The following SAMD3 variants were observed in gnomAD, a reference collection of about 807,000 sequenced individuals.
The protein encoded by SAMD3 is sterile alpha motif domain containing 3, also known as sterile alpha motif domain-containing protein 3.
Under a neutral mutation model 58.5 loss-of-function variants are expected in SAMD3, and 63 were observed. The ratio of observed to expected loss-of-function variants is 1.08; its 90% CI spans 0.88 to 1.33. SAMD3 has a LOEUF of 1.33. SAMD3 is among the 40% of genes most tolerant of loss of function. The pLI is 0.00. For missense variants in SAMD3, 604 were observed against 608.4 expected (o/e 0.99, Z 0.08); for synonymous variants, 220 against 210.3 (o/e 1.05, Z -0.40).
intron 2 of SAMD3, among the ~76,000 whole-genome samples, chr6:130,238,853 G>A (rs1216387841): frequency 6.6e-6 from 1 of 152,106 alleles, no homozygotes; most frequent in Non-Finnish European, 1.5e-5. Flanking sequence ...GTGCCTCCTG[G>A]GTTCAGGTGA....
At chr6:130,277,442 G>A (rs1774815898) in intron 2 of SAMD3, among the ~76,000 whole-genome samples, 1 of 152,192 alleles carries the variant, frequency 6.6e-6, no homozygotes, top group Non-Finnish European at 1.5e-5. Context: ...CTTTGCAAAG[G>A]CAATTTCAAA....
Position 130,146,055 on chromosome 6 carries a change from A to C in SAMD3, c.1150T>G (p.Leu384Val). 1 of 1,585,598 alleles carries C rather than the reference A, an allele frequency of 6.3e-7. No individual in the cohort carries two copies. Among genetic ancestry groups the C allele is most frequent in the Non-Finnish European group, 8.6e-7 (1 of 1,168,352 alleles). ...GTGTAATGTTTCATTTTTTCTTGCA[A>C]TACAATATTGATTGGATTGTCCACC... ...SVVDNPINIV[L>V]QEKMKHYTDE... The change falls in exon 10 of 12, where the codon TTG (leucine) becomes GTG (valine). Residue 384 changes from leucine (L) to valine (V), a missense_variant. By Grantham distance (32) the Leu-to-Val change is conservative. Coordinates refer to ENST00000439090, the MANE Select transcript of SAMD3 (RefSeq NM_001017373.4).
chr6:130,319,095 A>T (rs1000800251), intron 1 of SAMD3, among the ~76,000 whole-genome samples: 4 of 152,176 alleles, frequency 2.6e-5, no homozygotes, highest in African/African-American at 9.7e-5. Flanking sequence ...CCCAAATGAA[A>T]CTATCCAAGA....
At chr6:130,189,764 A>G (rs953329303) in intron 5 of SAMD3, among the ~76,000 whole-genome samples, 1 of 152,256 alleles carries the variant, frequency 6.6e-6, no homozygotes, top group African/African-American at 2.4e-5. Context: ...TGTCTCAGAA[A>G]CATTAACCAT....
At chr6:130,223,465 A>G (rs1562465946), upstream of SAMD3, among the ~76,000 whole-genome samples, 1 of 151,564 alleles carries the variant, frequency 6.6e-6, no homozygotes, top group Non-Finnish European at 1.5e-5. Context: ...TATTACAACT[A>G]TTTTTTTGGA....
At chr6:130,231,336 G>T (rs1796540671) in intron 2 of SAMD3, among the ~76,000 whole-genome samples, 1 of 152,106 alleles carries the variant, frequency 6.6e-6, no homozygotes, top group Non-Finnish European at 1.5e-5. Flanking sequence ...AGCTGAGGCG[G>T]GCAGATCACT....
intron 2 of SAMD3, chr6:130,216,063 T>C (rs1040022728): frequency 4.0e-5 from 15 of 377,580 alleles, no homozygotes; most frequent in African/African-American, 2.3e-4. Flanking sequence ...AAGTAATTAT[T>C]TATGTTAATA....
intron 1 of SAMD3, among the ~76,000 whole-genome samples, chr6:130,333,766 GAGAA>G (rs1777015422): frequency 6.6e-6 from 1 of 152,184 alleles, no homozygotes; most frequent in South Asian, 2.1e-4. Context: ...CTGACAGATG[GAGAA>G]AGAGAGTTTC....
At chr6:130,247,479 A>AC (rs996007087) in intron 2 of SAMD3, among the ~76,000 whole-genome samples, 3 of 151,994 alleles carry the variant, frequency 2.0e-5, no homozygotes, top group African/African-American at 7.3e-5. Flanking sequence ...AAAAAAAAAA[A>AC]AAGGAAAATG....
At chr6:130,263,699 C>T (rs1310041873) in intron 2 of SAMD3, among the ~76,000 whole-genome samples, 1 of 152,172 alleles carries the variant, frequency 6.6e-6, no homozygotes, top group Non-Finnish European at 1.5e-5. Context: ...GCATCTAATG[C>T]TTGCCTTGTG....
At chr6:130,158,826 G>T (rs906469349) in intron 8 of SAMD3, among the ~76,000 whole-genome samples, 1 of 152,126 alleles carries the variant, frequency 6.6e-6, no homozygotes, top group Non-Finnish European at 1.5e-5. Flanking sequence ...CTGGTGACTC[G>T]GTTTACACCC....
At chr6:130,188,778 T>G (rs938571565) in intron 5 of SAMD3, among the ~76,000 whole-genome samples, 7 of 152,184 alleles carry the variant, frequency 4.6e-5, no homozygotes, top group Non-Finnish European at 5.9e-5. Flanking sequence ...TTCCTTAACT[T>G]CCTTGACACT....
intron 2 of SAMD3, among the ~76,000 whole-genome samples, chr6:130,238,948 G>A (rs562528569): frequency 6.6e-6 from 1 of 152,050 alleles, no homozygotes; most frequent in African/African-American, 2.4e-5. Flanking sequence ...TAGTAGAGAC[G>A]GGGTTTCACT....
chr6:130,213,197 C>T (rs894287537), intron 4 of SAMD3, among the ~76,000 whole-genome samples: 5 of 151,854 alleles, frequency 3.3e-5, no homozygotes, highest in African/African-American at 7.3e-5. Context: ...GCTTGGGAGG[C>T]GGAAGCAGGA....
chr6:130,333,038 AGTATGCGT>A (rs1386023380), intron 1 of SAMD3, among the ~76,000 whole-genome samples: 3 of 123,118 alleles, frequency 2.4e-5, no homozygotes, highest in African/African-American at 9.8e-5. Flanking sequence ...GCCACAGTTG[AGTATGCGT>A]GTGTGTGTGT....
intron 9 of SAMD3, among the ~76,000 whole-genome samples, chr6:130,152,706 A>G (rs1789334236): frequency 6.6e-6 from 1 of 151,818 alleles, no homozygotes; most frequent in African/African-American, 2.4e-5. Context: ...AAATAAAACA[A>G]TCAACAGGCA....
chr6:130,260,542 G>T lies in SAMD3; in HGVS notation c.-187-37729C>A, dbSNP rs544817947. Among the ~76,000 whole-genome samples the T allele has an allele frequency of 2.7e-4, 41 of 152,168 alleles. 1 individual carries two copies. The highest frequency in any genetic ancestry group is 9.7e-4 in the African/African-American group (40 of 41,444). On this transcript the variant is annotated intron_variant, in intron 2 of 13. Transcript: ENST00000368134. Reference sequence around the variant, plus strand: ...AGACAGGAGTCTTGCCAATGCTCCCGGCTGAATAAACCCCTTCCTTCTTTA... The same window carrying T: ...AGACAGGAGTCTTGCCAATGCTCCCTGCTGAATAAACCCCTTCCTTCTTTA...
intron 2 of SAMD3, among the ~76,000 whole-genome samples, chr6:130,236,759 G>T (rs1773167024): frequency 6.6e-6 from 1 of 152,204 alleles, no homozygotes; most frequent in African/African-American, 2.4e-5. Flanking sequence ...TATTTCATTA[G>T]ATGAAAATAT....
Position 130,294,033 on chromosome 6 carries a change from T to C in SAMD3, c.-188+18945A>G, listed in dbSNP as rs574668570. Among the ~76,000 whole-genome samples, 4 of 152,276 alleles carry C rather than the reference T, an allele frequency of 2.6e-5. No homozygotes were observed. In the South Asian group the frequency reaches 8.3e-4, roughly 32 times the overall value. On this transcript the variant is annotated intron_variant, in intron 2 of 13. Transcript: ENST00000368134. ...TTACCTTGATTTAAGTGATTGCCTC[T>C]CCTCTGTAAAGGACAGAGATTTCAC...
Sources: allele counts gnomAD v4.1 joint callset (sites outside exome capture counted in the v4.1 genomes callset), GRCh38; gene constraint gnomAD v4.1.1; transcripts MANE v1.5; gene names NCBI Gene and HGNC (gene_info 2026-07-23, HGNC 2026-07-21).